Variants in FRMD4B observed in about 807,000 individuals in gnomAD.
FRMD4B encodes the protein FERM domain containing 4B.
A neutral mutation model predicts 141.5 loss-of-function variants in FRMD4B; 74 were observed. The observed-to-expected ratio is 0.52, with a 90% CI of 0.43 to 0.63. FRMD4B has a LOEUF of 0.63. Ranked by LOEUF, FRMD4B falls within the 30% of genes least tolerant of loss-of-function variation. The probability of loss-of-function intolerance (pLI) is 0.00; values close to 1 mark genes in which losing one functional copy is unlikely to be tolerated. For missense variants in FRMD4B, 1,366 were observed against 1,253.4 expected (o/e 1.09, Z -1.36); for synonymous variants, 506 against 467.9 (o/e 1.08, Z -1.05).
chr3:69,265,671 T>C (rs1420442192), intron 5 of FRMD4B, among the ~76,000 whole-genome samples: 1 of 151,742 alleles, frequency 6.6e-6, no homozygotes, highest in Non-Finnish European at 1.5e-5. Flanking sequence ...ATGGTCTCGA[T>C]CTCCTGACAT....
At chr3:69,221,798 A>G in intron 9 of FRMD4B, 60 bp downstream of exon 9, 2 of 831,746 alleles carry the variant, frequency 2.4e-6, no homozygotes, top group South Asian at 2.9e-5. Context: ...AATCATTTCA[A>G]GTGATACCTT....
intron 1 of FRMD4B, among the ~76,000 whole-genome samples, chr3:69,498,280 C>T (rs540088249): frequency 3.9e-4 from 59 of 152,138 alleles, no homozygotes; most frequent in South Asian, 1.0e-3. Context: ...TGCTAATGGG[C>T]GAAGTTTACA....
In FRMD4B at chr3:69,269,131, G is replaced by A. The variant is rs146469993; in HGVS notation, c.501+18621C>T. Among the ~76,000 whole-genome samples the A allele has an allele frequency of 3.0e-3, 448 of 151,676 alleles. 9 individuals carry two copies. Among genetic ancestry groups the A allele is most frequent in the African/African-American group, 0.011 (436 of 41,080 alleles). On this transcript the variant is annotated intron_variant, in intron 5 of 22. Transcript: ENST00000398540. ...TTTAGTAGAGATGAGCTTTCTCCATGTTGGTCAGGCTGGTCTTGAACTCCT... is the reference window on the plus strand; with the variant it reads ...TTTAGTAGAGATGAGCTTTCTCCATATTGGTCAGGCTGGTCTTGAACTCCT...
chr3:69,287,316 A>AT (rs1283444178), intron 5 of FRMD4B, among the ~76,000 whole-genome samples: 2 of 152,212 alleles, frequency 1.3e-5, no homozygotes, highest in Non-Finnish European at 2.9e-5. Context: ...CCTTGCCTAG[A>AT]TTTAAGGTGG....
chr3:69,339,120 G>A (rs1702650646), intron 1 of FRMD4B, among the ~76,000 whole-genome samples: 2 of 152,062 alleles, frequency 1.3e-5, no homozygotes, highest in Admixed American at 1.3e-4. Context: ...CCTGCTTCAG[G>A]TCATGGTGAA....
chr3:69,363,006 A>G (rs1404780400), intron 1 of FRMD4B, among the ~76,000 whole-genome samples: 4 of 148,732 alleles, frequency 2.7e-5, no homozygotes, highest in African/African-American at 9.8e-5. Context: ...AAAAAAAAAA[A>G]CAAACAAAAA....
At chr3:69,365,404 A>C (rs971672870) in intron 1 of FRMD4B, among the ~76,000 whole-genome samples, 2 of 152,208 alleles carry the variant, frequency 1.3e-5, no homozygotes, top group Non-Finnish European at 2.9e-5. Context: ...TAAAATGTAC[A>C]TTTTTGGCCA....
chr3:69,337,544 T>C (rs927179987), intron 1 of FRMD4B, among the ~76,000 whole-genome samples: 4 of 152,174 alleles, frequency 2.6e-5, no homozygotes, highest in Non-Finnish European at 4.4e-5. Context: ...AGAAAATTTT[T>C]GCATCCTACT....
chr3:69,367,592 TGGG>T (rs1703705248), intron 1 of FRMD4B, among the ~76,000 whole-genome samples: 1 of 145,860 alleles, frequency 6.9e-6, no homozygotes, highest in Non-Finnish European at 1.5e-5. Flanking sequence ...GACAATTATC[TGGG>T]CCAATATTTT....
intron 5 of FRMD4B, among the ~76,000 whole-genome samples, chr3:69,275,461 A>C (rs1441492303): frequency 8.2e-5 from 12 of 145,510 alleles, no homozygotes. Flanking sequence ...TTTTTTTGAG[A>C]CAAGTTCTCA....
At chr3:69,178,045 C>T (rs550407956) in intron 21 of FRMD4B, among the ~76,000 whole-genome samples, 2 of 152,254 alleles carry the variant, frequency 1.3e-5, no homozygotes, top group South Asian at 4.2e-4. Context: ...GAGCGAAGCC[C>T]AACAAATGCC....
intron 4 of FRMD4B, among the ~76,000 whole-genome samples, chr3:69,294,897 A>G (rs1182831505): frequency 6.6e-6 from 1 of 152,184 alleles, no homozygotes; most frequent in African/African-American, 2.4e-5. Flanking sequence ...CACGGTGAAT[A>G]ATGAAGATAA....
chr3:69,288,692 TG>T (rs1184855771), intron 4 of FRMD4B, among the ~76,000 whole-genome samples: 2 of 152,208 alleles, frequency 1.3e-5, no homozygotes, highest in African/African-American at 4.8e-5. Context: ...CCTCAAGTTC[TG>T]GAGCATTGCT....
intron 5 of FRMD4B, among the ~76,000 whole-genome samples, chr3:69,259,109 G>A (rs1371831876): frequency 2.0e-5 from 3 of 152,168 alleles, no homozygotes; most frequent in Non-Finnish European, 4.4e-5. Context: ...CCCTGAGCTT[G>A]TTTTCCCGTA....
chr3:69,375,199 C>G (rs1157458806), intron 1 of FRMD4B, among the ~76,000 whole-genome samples: 2 of 148,952 alleles, frequency 1.3e-5, no homozygotes, highest in Non-Finnish European at 3.0e-5. Flanking sequence ...ACCCATCCAT[C>G]CATTCATCCA....
chr3:69,373,147 G>T (rs1392765876), intron 1 of FRMD4B, among the ~76,000 whole-genome samples: 1 of 152,196 alleles, frequency 6.6e-6, no homozygotes, highest in Non-Finnish European at 1.5e-5. Flanking sequence ...CTTCACCAAA[G>T]ACTTTTTCTT....
intron 1 of FRMD4B, among the ~76,000 whole-genome samples, chr3:69,337,279 T>A (rs937173154): frequency 2.0e-5 from 3 of 152,150 alleles, no homozygotes; most frequent in African/African-American, 7.2e-5. Context: ...CTGGATCCCT[T>A]CCTTACAACT....
At chr3:69,374,041 T>A (rs1703903107) in intron 1 of FRMD4B, among the ~76,000 whole-genome samples, 1 of 152,202 alleles carries the variant, frequency 6.6e-6, no homozygotes, top group Non-Finnish European at 1.5e-5. Flanking sequence ...AAGTAACTTG[T>A]CCATGTCACA....
In FRMD4B at chr3:69,384,336, T is replaced by G. The variant is rs148816897; in HGVS notation, c.162+1492A>C. On this transcript the variant is annotated intron_variant, in intron 1 of 22. Coordinates refer to ENST00000398540, the MANE Select transcript of FRMD4B (RefSeq NM_015123.3). Reference sequence around the variant, plus strand: ...ACAGATAAGCCATAAATCCTCTGAATCCTTGGGGAGTGAGGCACAGAGTCA... The same window carrying G: ...ACAGATAAGCCATAAATCCTCTGAAGCCTTGGGGAGTGAGGCACAGAGTCA... 3.3e-5 allele frequency among the ~76,000 whole-genome samples: 5 copies of G among 152,326 alleles called. No individual in the cohort carries two copies. The East Asian group carries it at 9.6e-4, about 29-fold the overall frequency.
Sources: allele counts gnomAD v4.1 joint callset (sites outside exome capture counted in the v4.1 genomes callset), GRCh38; gene constraint gnomAD v4.1.1; transcripts MANE v1.5; gene names NCBI Gene and HGNC (gene_info 2026-07-23, HGNC 2026-07-21).